FAM110B: variants seen among roughly 807,000 people sequenced by gnomAD.
FAM110B encodes family with sequence similarity 110 member B.
FAM110B carries 6 observed loss-of-function variants against 20.4 expected under a neutral mutation model. The observed-to-expected ratio is 0.29, with a 90% CI of 0.16 to 0.58. FAM110B has a LOEUF of 0.58. Among genes scored for constraint, FAM110B ranks in the 20% least tolerant of loss-of-function variants. FAM110B has a pLI of 0.90. For missense variants in FAM110B, 434 were observed against 498.2 expected, an observed-to-expected ratio of 0.87 and a Z score of 1.23; for synonymous variants, 226 against 214.1, an observed-to-expected ratio of 1.06 and a Z score of -0.49.
chr8:58,004,707 T>A (rs1804366601), intron 1 of FAM110B, among the ~76,000 whole-genome samples: 1 of 152,220 alleles, frequency 6.6e-6, no homozygotes, highest in Non-Finnish European at 1.5e-5. Context: ...ATCGCACCAC[T>A]GCACTCCAGC....
At chr8:58,049,626 C>A (rs371571797) in intron 2 of FAM110B, among the ~76,000 whole-genome samples, 1 of 152,140 alleles carries the variant, frequency 6.6e-6, no homozygotes, top group Non-Finnish European at 1.5e-5. Flanking sequence ...ATCTTAAAGA[C>A]CACACATACC....
chr8:58,037,531 A>G (rs1805102460), intron 2 of FAM110B, among the ~76,000 whole-genome samples: 1 of 151,766 alleles, frequency 6.6e-6, no homozygotes, highest in Admixed American at 6.6e-5. Flanking sequence ...CTAGCTACTC[A>G]GTTAAGCTTA....
intron 3 of FAM110B, among the ~76,000 whole-genome samples, chr8:58,100,488 A>G (rs545045325): frequency 1.8e-4 from 28 of 152,236 alleles, no homozygotes; most frequent in Non-Finnish European, 3.5e-4. Context: ...GACTGGAAAT[A>G]TGAGATAAAG....
At chr8:57,999,162 C>G (rs563297890) in intron 1 of FAM110B, among the ~76,000 whole-genome samples, 1 of 152,154 alleles carries the variant, frequency 6.6e-6, no homozygotes, top group Admixed American at 6.5e-5. Flanking sequence ...CAGTTTTAAA[C>G]CGGCATTAAA....
At chr8:58,026,794 T>TCTTCTACATACAATCAAA (rs1245196876) in intron 1 of FAM110B, among the ~76,000 whole-genome samples, 1 of 152,206 alleles carries the variant, frequency 6.6e-6, no homozygotes, top group African/African-American at 2.4e-5. Context: ...ATATTATCAA[T>TCTTCTACATACAATCAAA]CTTCTACATA....
At chr8:58,029,562 A>G (rs17835765) in intron 1 of FAM110B, among the ~76,000 whole-genome samples, 6,293 of 152,272 alleles carry the variant, frequency 0.041, 221 homozygotes, top group Non-Finnish European at 0.052. Context: ...TTACACTAAA[A>G]TAGATGAAAT....
intron 2 of FAM110B, among the ~76,000 whole-genome samples, chr8:58,058,280 C>A (rs1353576665): frequency 6.6e-6 from 1 of 151,486 alleles, no homozygotes; most frequent in Non-Finnish European, 1.5e-5. Flanking sequence ...TTAAAGACTT[C>A]TTTGACCTCA....
At chr8:58,102,384 C>T (rs1806797896) in intron 3 of FAM110B, among the ~76,000 whole-genome samples, 2 of 152,162 alleles carry the variant, frequency 1.3e-5, no homozygotes, top group African/African-American at 4.8e-5. Context: ...GATTTTAATG[C>T]TGGAGGATTT....
rs73682161 is a variant in FAM110B, at chr8:58,131,361, T to C, written c.-324-14546T>C. Among the ~76,000 whole-genome samples, 575 of 152,216 alleles carry C rather than the reference T, an allele frequency of 3.8e-3. 7 individuals are homozygous for C. The highest frequency in any genetic ancestry group is 0.013 in the African/African-American group (549 of 41,528). On this transcript the variant is annotated intron_variant, in intron 3 of 3. Coordinates refer to ENST00000519262, the MANE Select transcript of FAM110B (RefSeq NM_001377989.1). ...GAACCCCTGGTCTCAAGCATTCCTC[T>C]TGCCTCACCTCCCCCGCAACCCCAT...
chr8:58,134,403 T>C (rs1297240027), intron 3 of FAM110B, among the ~76,000 whole-genome samples: 1 of 152,230 alleles, frequency 6.6e-6, no homozygotes, highest in African/African-American at 2.4e-5. Flanking sequence ...TTGCCTTATA[T>C]TGGAGATTAC....
At chr8:58,144,413 TA>T (rs1195555576) in intron 3 of FAM110B, among the ~76,000 whole-genome samples, 1 of 152,230 alleles carries the variant, frequency 6.6e-6, no homozygotes, top group African/African-American at 2.4e-5. Context: ...TTTTGTTTTT[TA>T]TACTAAATTG....
chr8:58,147,223 T>C lies in FAM110B; in HGVS notation c.993T>C (p.Asp331=). Residue 331 remains aspartate (D), a synonymous_variant, in exon 4 of 4, where the codon GAT becomes GAC. Transcript: ENST00000519262. ...SQDSNSDLRN[D]DSANDRVPYG... ...ACAGTAACAGTGACCTTAGAAATGATGACAGTGCCAATGACCGCGTGCCGT... is the reference window on the plus strand; with the variant it reads ...ACAGTAACAGTGACCTTAGAAATGACGACAGTGCCAATGACCGCGTGCCGT... The C allele has an allele frequency of 1.2e-6, 2 of 1,614,104 alleles. No individual in the cohort carries two copies. The highest frequency in any genetic ancestry group is 1.7e-6 in the Non-Finnish European group (2 of 1,180,020).
chr8:58,007,171 A>T (rs1056579059), intron 1 of FAM110B, among the ~76,000 whole-genome samples: 3 of 151,776 alleles, frequency 2.0e-5, no homozygotes, highest in Admixed American at 6.6e-5. Context: ...ATCTCTTAAA[A>T]CGTCACTTCT....
At chr8:58,134,657 A>G (rs769860200) in intron 3 of FAM110B, among the ~76,000 whole-genome samples, 15 of 152,240 alleles carry the variant, frequency 9.9e-5, no homozygotes, top group South Asian at 2.1e-4. Flanking sequence ...TGCTCTTCAT[A>G]TGCTCTGTGC....
intron 2 of FAM110B, among the ~76,000 whole-genome samples, chr8:58,055,071 G>T (rs894406730): frequency 8.5e-5 from 13 of 152,058 alleles, no homozygotes; most frequent in African/African-American, 3.1e-4. Context: ...ACCCTTGCTG[G>T]TTCCAAAAAG....
chr8:58,044,114 C>T (rs993555890), intron 2 of FAM110B, among the ~76,000 whole-genome samples: 1 of 152,166 alleles, frequency 6.6e-6, no homozygotes, highest in African/African-American at 2.4e-5. Context: ...GAATAAAGCA[C>T]CTCATCTGTG....
At chr8:58,047,847 G>A (rs914599724) in intron 2 of FAM110B, among the ~76,000 whole-genome samples, 5 of 151,954 alleles carry the variant, frequency 3.3e-5, no homozygotes, top group African/African-American at 9.7e-5. Flanking sequence ...TCTTTATGTA[G>A]GAGTTAGTGT....
chr8:58,086,652 A>G (rs944554157), intron 3 of FAM110B, among the ~76,000 whole-genome samples: 1 of 152,202 alleles, frequency 6.6e-6, no homozygotes, highest in Non-Finnish European at 1.5e-5. Context: ...AGAGAGTGCT[A>G]CTTCTGTTGT....
chr8:58,014,156 A>G (rs1419607480), intron 1 of FAM110B, among the ~76,000 whole-genome samples: 1 of 152,184 alleles, frequency 6.6e-6, no homozygotes, highest in African/African-American at 2.4e-5. Flanking sequence ...TACCTGCTTC[A>G]GTGATCCAGA....
Sources: allele counts gnomAD v4.1 joint callset (sites outside exome capture counted in the v4.1 genomes callset), GRCh38; gene constraint gnomAD v4.1.1; transcripts MANE v1.5; gene names NCBI Gene and HGNC (gene_info 2026-07-23, HGNC 2026-07-21).